The following LTBP1 variants were observed in gnomAD, a reference collection of about 807,000 sequenced individuals.
LTBP1 encodes latent transforming growth factor beta binding protein 1.
In LTBP1, 129 loss-of-function variants were observed where a neutral mutation model predicts 207.6. The observed-to-expected ratio is 0.62, with a 90% CI of 0.54 to 0.72. The LOEUF is 0.72. LTBP1 is among the 30% of genes least tolerant of loss of function. The pLI is 0.00. For synonymous variants in LTBP1, 963 were observed against 833.7 expected, an observed-to-expected ratio of 1.16 and a Z score of -2.67; for missense variants, 2,281 against 2,217.2, an observed-to-expected ratio of 1.03 and a Z score of -0.58.
chr2:33,181,088 C>T (rs1029694246), intron 5 of LTBP1, among the ~76,000 whole-genome samples: 4 of 152,180 alleles, frequency 2.6e-5, no homozygotes, highest in Non-Finnish European at 5.9e-5. Context: ...TTGAAATGGT[C>T]TGTCTGCTGG....
rs754028714 is a variant in LTBP1, at chr2:32,953,637, G to A, written c.565+4692G>A. 2.6e-4 allele frequency among the ~76,000 whole-genome samples: 39 copies of A among 152,218 alleles called. 1 individual carries two copies. Among genetic ancestry groups the A allele is most frequent in the Middle Eastern group, 3.4e-3 (1 of 294 alleles). Reference sequence around the variant, plus strand: ...ACCTTCATGATGAAGCCCTCCTCCGGCCCATGGGCCTGCTGAGGATGCCGC... The same window carrying A: ...ACCTTCATGATGAAGCCCTCCTCCGACCCATGGGCCTGCTGAGGATGCCGC... On this transcript the variant is annotated intron_variant, in intron 2 of 33. Transcript: ENST00000404816.
intron 2 of LTBP1, among the ~76,000 whole-genome samples, chr2:32,953,812 G>A (rs935482876): frequency 5.9e-5 from 9 of 152,138 alleles, no homozygotes; most frequent in African/African-American, 1.7e-4. Context: ...TATTTCAGAC[G>A]TACTCAAACA....
chr2:32,985,285 G>C (rs546061205), intron 2 of LTBP1, among the ~76,000 whole-genome samples: 1 of 152,134 alleles, frequency 6.6e-6, no homozygotes, highest in Non-Finnish European at 1.5e-5. Context: ...AGCTCTTGAT[G>C]TTGCCAGGCT....
intron 2 of LTBP1, among the ~76,000 whole-genome samples, chr2:32,958,843 C>T (rs564147804): frequency 6.6e-6 from 1 of 152,320 alleles, no homozygotes; most frequent in East Asian, 1.9e-4. Flanking sequence ...CTGTTTCCTC[C>T]TGCCTTTGCT....
intron 22 of LTBP1, among the ~76,000 whole-genome samples, chr2:33,304,002 C>T (rs1477389015): frequency 3.9e-5 from 6 of 152,184 alleles, no homozygotes; most frequent in Non-Finnish European, 7.4e-5. Context: ...AGGGCATGTT[C>T]CTCGCTTTGT....
intron 5 of LTBP1, among the ~76,000 whole-genome samples, chr2:33,183,023 A>G (rs2086832199): frequency 6.6e-6 from 1 of 152,100 alleles, no homozygotes; most frequent in Non-Finnish European, 1.5e-5. Context: ...CTTGGGAATA[A>G]TTTCAACATG....
intron 3 of LTBP1, among the ~76,000 whole-genome samples, chr2:33,090,197 A>G (rs2078998412): frequency 6.6e-6 from 1 of 152,230 alleles, no homozygotes. Flanking sequence ...GACATGGTGA[A>G]ATGTTTCATA....
intron 3 of LTBP1, among the ~76,000 whole-genome samples, chr2:33,089,858 A>G (rs1419482839): frequency 6.6e-6 from 1 of 152,238 alleles, no homozygotes; most frequent in East Asian, 1.9e-4. Flanking sequence ...ACAGTGCAGT[A>G]AACGTATACC....
chr2:33,095,944 A>G (rs560056021), intron 3 of LTBP1, among the ~76,000 whole-genome samples: 13 of 152,260 alleles, frequency 8.5e-5, no homozygotes, highest in African/African-American at 2.4e-4. Context: ...GAAGAGAGCA[A>G]ATGTAACAAG....
At chr2:33,235,717 G>C (rs1312993512) in intron 9 of LTBP1, among the ~76,000 whole-genome samples, 1 of 152,162 alleles carries the variant, frequency 6.6e-6, no homozygotes, top group African/African-American at 2.4e-5. Flanking sequence ...GGAATACTAT[G>C]CAGCCATAAA....
At chr2:33,157,194 A>G (rs1262409475) in intron 5 of LTBP1, among the ~76,000 whole-genome samples, 2 of 152,260 alleles carry the variant, frequency 1.3e-5, no homozygotes, top group Non-Finnish European at 2.9e-5. Context: ...AAAGGTGTTT[A>G]GAACCTAGAG....
At chr2:33,263,215 T>A (rs904490895) in intron 14 of LTBP1, 79 bp from the exon 15 acceptor site, 4 of 841,772 alleles carry the variant, frequency 4.8e-6, no homozygotes, top group Admixed American at 1.8e-5. Context: ...TAGACTAAAT[T>A]ATGCTTGCAT....
chr2:33,374,170 C>T (rs77767175), intron 31 of LTBP1, among the ~76,000 whole-genome samples: 1 of 152,258 alleles, frequency 6.6e-6, no homozygotes, highest in South Asian at 2.1e-4. Context: ...TCAGCAGTCA[C>T]GGTTTAAAGG....
At chr2:33,228,801 G>A (rs568248005) in intron 9 of LTBP1, among the ~76,000 whole-genome samples, 1 of 146,978 alleles carries the variant, frequency 6.8e-6, no homozygotes, top group East Asian at 2.0e-4. Flanking sequence ...CTGGGTTCAA[G>A]CGATTCCCCT....
intron 11 of LTBP1, among the ~76,000 whole-genome samples, chr2:33,253,255 C>G (rs1428500979): frequency 6.6e-6 from 1 of 152,074 alleles, no homozygotes; most frequent in Non-Finnish European, 1.5e-5. Flanking sequence ...GAGTATCGTG[C>G]TTAATTTCTT....
chr2:33,196,246 A>G (rs989294456), intron 7 of LTBP1, among the ~76,000 whole-genome samples: 1 of 152,212 alleles, frequency 6.6e-6, no homozygotes, highest in Non-Finnish European at 1.5e-5. Flanking sequence ...TGAGCGGTTC[A>G]TATGCAGGTG....
At chr2:33,189,769 T>C (rs991996167) in intron 7 of LTBP1, among the ~76,000 whole-genome samples, 1 of 152,214 alleles carries the variant, frequency 6.6e-6, no homozygotes, top group Non-Finnish European at 1.5e-5. Context: ...CTCATGCCTA[T>C]AATCCTACCA....
chr2:33,334,717 A>G (rs1471892726), intron 24 of LTBP1, among the ~76,000 whole-genome samples: 1 of 152,062 alleles, frequency 6.6e-6, no homozygotes, highest in Non-Finnish European at 1.5e-5. Context: ...AAAATGGAGC[A>G]GTGTTGTTTT....
chr2:33,280,567 C>T (rs2093539964), intron 19 of LTBP1, among the ~76,000 whole-genome samples: 1 of 152,174 alleles, frequency 6.6e-6, no homozygotes, highest in African/African-American at 2.4e-5. Context: ...GCTTTAGGCA[C>T]TGAGGAAGAC....
Sources: gnomAD v4.1 joint callset for allele counts (sites outside exome capture counted in the v4.1 genomes callset) on GRCh38, gnomAD v4.1.1 for gene constraint, MANE v1.5 for transcripts, NCBI Gene and HGNC (gene_info 2026-07-23, HGNC 2026-07-21) for gene names.